INTS4: variants seen among roughly 807,000 people sequenced by gnomAD.
INTS4 encodes the protein MSTP093.
Under a neutral mutation model 119.5 loss-of-function variants are expected in INTS4, and 70 were observed. That is an observed-to-expected ratio of 0.59 (90% CI 0.48 to 0.71). The LOEUF (loss-of-function observed/expected upper bound fraction) is 0.71. Ranked by LOEUF, INTS4 falls within the 30% of genes least tolerant of loss-of-function variation. INTS4 has a pLI of 0.00. For missense variants in INTS4, 867 were observed against 1,173.2 expected (o/e 0.74, Z 3.81); for synonymous variants, 316 against 419.6 (o/e 0.75, Z 3.02).
At chr11:77,975,747 G>C (rs1280066681) in intron 4 of INTS4, among the ~76,000 whole-genome samples, 2 of 152,030 alleles carry the variant, frequency 1.3e-5, no homozygotes, top group African/African-American at 4.8e-5. Context: ...CATGAGGTCA[G>C]GAGATCGAGA....
At chr11:77,911,722 C>T (rs1363803159) in intron 15 of INTS4, among the ~76,000 whole-genome samples, 1 of 152,244 alleles carries the variant, frequency 6.6e-6, no homozygotes, top group Admixed American at 6.5e-5. Flanking sequence ...TCAGTCTAGA[C>T]ATCCATCAGG....
At chr11:77,885,554 C>G (rs1951968411) in intron 21 of INTS4, among the ~76,000 whole-genome samples, 1 of 151,990 alleles carries the variant, frequency 6.6e-6, no homozygotes, top group South Asian at 2.1e-4. Flanking sequence ...CACAGTGGCT[C>G]ACACCTGTAA....
At chr11:77,887,190 C>G (rs1027179598) in intron 21 of INTS4, among the ~76,000 whole-genome samples, 4 of 152,212 alleles carry the variant, frequency 2.6e-5, no homozygotes, top group Admixed American at 2.0e-4. Flanking sequence ...ACTGGCAAAC[C>G]AAATCCAGCA....
At chr11:77,956,187 T>C (rs531002686) in intron 7 of INTS4, 125 bp from the exon 8 acceptor site, 94 of 1,038,532 alleles carry the variant, frequency 9.1e-5, no homozygotes, top group Middle Eastern at 3.3e-4. Flanking sequence ...GGCAGGTAGA[T>C]TGCTTGAGCC....
chr11:77,913,307 A>ATTTTTT (rs565622764), intron 15 of INTS4, among the ~76,000 whole-genome samples: 9 of 122,778 alleles, frequency 7.3e-5, no homozygotes, highest in African/African-American at 9.4e-5. Context: ...GTTAGTTTAA[A>ATTTTTT]TTTTTTTTTT....
chr11:77,928,729 G>C (rs532642034), intron 10 of INTS4, among the ~76,000 whole-genome samples, 182 bp from the exon 11 acceptor site: 21 of 152,278 alleles, frequency 1.4e-4, no homozygotes, highest in Admixed American at 1.3e-3. Flanking sequence ...TGCGCCTGTT[G>C]TCTCAGCTAC....
At chr11:77,893,653 G>A (rs1370595152) in intron 19 of INTS4, among the ~76,000 whole-genome samples, 3 of 152,066 alleles carry the variant, frequency 2.0e-5, no homozygotes, top group Non-Finnish European at 4.4e-5. Flanking sequence ...AGCACTTTGG[G>A]AGGCCAAGGC....
chr11:77,953,454 T>C (rs1176369174), intron 8 of INTS4, among the ~76,000 whole-genome samples: 2 of 152,180 alleles, frequency 1.3e-5, no homozygotes, highest in Non-Finnish European at 2.9e-5. Context: ...ATGAGAGATA[T>C]TAGAACCCCA....
intron 5 of INTS4, 107 bp from the exon 6 acceptor site, chr11:77,960,498 T>C (rs2305317): frequency 0.19 from 150,701 of 782,052 alleles, 15,220 homozygotes; most frequent in Non-Finnish European, 0.2. Flanking sequence ...GCTAACATGG[T>C]TCCTTTTAGC....
intron 4 of INTS4, among the ~76,000 whole-genome samples, chr11:77,976,940 G>T (rs1024116435): frequency 3.3e-5 from 5 of 152,074 alleles, no homozygotes; most frequent in Admixed American, 2.0e-4. Flanking sequence ...GTGGGGGAAG[G>T]GGGGAGGGAT....
Position 77,924,895 on chromosome 11 carries a change from T to C in INTS4, c.1372-3A>G, listed in dbSNP as rs781568518. On this transcript the variant is annotated splice_polypyrimidine_tract_variant and splice_region_variant and intron_variant, in intron 11 of 22. Transcript: ENST00000534064. ...TCTCGAATATCTCTGGATGAATCCTTTTAAAAAAAAAGTAATAATAACAGT... is the reference window on the plus strand; with the variant it reads ...TCTCGAATATCTCTGGATGAATCCTCTTAAAAAAAAAGTAATAATAACAGT... 8.5e-5 allele frequency: 135 copies of C among 1,596,432 alleles called. No homozygotes were observed. The highest frequency in any genetic ancestry group is 1.1e-4 in the Non-Finnish European group (134 of 1,168,600).
intron 16 of INTS4, among the ~76,000 whole-genome samples, chr11:77,905,359 A>C (rs1952914778): frequency 6.6e-6 from 1 of 151,998 alleles, no homozygotes; most frequent in African/African-American, 2.4e-5. Flanking sequence ...TGGGAGACTG[A>C]GACAGGAGAA....
chr11:77,891,875 A>G (rs781090130), intron 19 of INTS4, 35 bp from the exon 20 acceptor site: 7 of 1,610,174 alleles, frequency 4.3e-6, no homozygotes, highest in Middle Eastern at 2.3e-4. Flanking sequence ...GACTCATTCA[A>G]CTGTGCACTC....
chr11:77,933,080 A>G (rs1377482640), intron 10 of INTS4, among the ~76,000 whole-genome samples: 2 of 152,158 alleles, frequency 1.3e-5, no homozygotes, highest in Non-Finnish European at 2.9e-5. Context: ...CACGTTCTGC[A>G]CATGTACCCC....
chr11:77,916,888 C>A (rs1251772879), intron 15 of INTS4, among the ~76,000 whole-genome samples: 1 of 152,170 alleles, frequency 6.6e-6, no homozygotes, highest in African/African-American at 2.4e-5. Flanking sequence ...ACCTTAAGAA[C>A]AAATGTCATT....
At chr11:77,879,737 C>G (rs1395621328) in intron 22 of INTS4, among the ~76,000 whole-genome samples, 1 of 152,118 alleles carries the variant, frequency 6.6e-6, no homozygotes, top group Non-Finnish European at 1.5e-5. Flanking sequence ...ATTAAGAACT[C>G]CCCTCAAGTT....
intron 4 of INTS4, among the ~76,000 whole-genome samples, chr11:77,969,951 T>C (rs1458020274): frequency 1.3e-5 from 2 of 152,242 alleles, no homozygotes; most frequent in Non-Finnish European, 2.9e-5. Flanking sequence ...CTTAGCATAA[T>C]GTTTTCAAAC....
At chr11:77,985,501 A>G (rs1856422256) in intron 2 of INTS4, among the ~76,000 whole-genome samples, 1 of 152,166 alleles carries the variant, frequency 6.6e-6, no homozygotes, top group African/African-American at 2.4e-5. Flanking sequence ...CTACCACTCT[A>G]TAATGCATTT....
intron 16 of INTS4, 49 bp from the exon 17 acceptor site, chr11:77,903,669 G>T (rs749586549): frequency 4.2e-6 from 6 of 1,429,066 alleles, no homozygotes; most frequent in South Asian, 2.5e-5. Flanking sequence ...CACAAAGACT[G>T]GCCTATCATT....
Sources: allele counts gnomAD v4.1 joint callset (sites outside exome capture counted in the v4.1 genomes callset), GRCh38; gene constraint gnomAD v4.1.1; transcripts MANE v1.5; gene names NCBI Gene and HGNC (gene_info 2026-07-23, HGNC 2026-07-21).